GRIA3: variants seen among roughly 807,000 people sequenced by gnomAD.
GRIA3 encodes the protein glutamate ionotropic receptor AMPA type subunit 3.
A neutral mutation model predicts 63.0 loss-of-function variants in GRIA3; 3 were observed. That is an observed-to-expected ratio of 0.05 (90% CI 0.02 to 0.12). The LOEUF is 0.12. Among genes scored for constraint, GRIA3 ranks in the 10% least tolerant of loss-of-function variants. The pLI is 1.00. For missense variants in GRIA3, 347 were observed against 700.9 expected, an observed-to-expected ratio of 0.50 and a Z score of 5.70; for synonymous variants, 274 against 257.9, an observed-to-expected ratio of 1.06 and a Z score of -0.60.
chrX:123,470,343 G>A (rs897852111), intron 13 of GRIA3, among the ~76,000 whole-genome samples: 5 of 111,847 alleles, frequency 4.5e-5, no homozygotes. Flanking sequence ...ATAGGAACTA[G>A]AATAAACTGA....
intron 3 of GRIA3, among the ~76,000 whole-genome samples, chrX:123,303,731 G>C (rs1176021838): frequency 9.0e-6 from 1 of 110,790 alleles, no homozygotes; most frequent in Admixed American, 9.7e-5. Context: ...TCTTCTGTGA[G>C]GAGGATCTCC....
At position 123,354,948 on chromosome X, in the gene GRIA3, C is replaced by T. The variant is rs767846805; in HGVS notation, c.735C>T (p.Tyr245=). 1 of 1,193,231 alleles carries T rather than the reference C, an allele frequency of 8.4e-7. No individual in the cohort carries two copies. Among genetic ancestry groups the T allele is most frequent in the Admixed American group, 2.2e-5 (1 of 46,006 alleles). The change falls in exon 5 of 16, where the codon TAC becomes TAT. Residue 245 remains tyrosine, a synonymous_variant. Transcript: ENST00000620443. The part of the protein sequence containing the change: ...ILGKHSRGYH[Y]MLANLGFTDI... ...GGAAACACTCAAGAGGTTATCACTA[C>T]ATGCTCGCTAACCTGGTAAGAACAA...
chrX:123,313,421 G>T (rs772046660), intron 3 of GRIA3, among the ~76,000 whole-genome samples: 10 of 111,047 alleles, frequency 9.0e-5, no homozygotes, highest in African/African-American at 2.9e-4. Context: ...ACCTTTGACA[G>T]CCCTCCAATG....
intron 3 of GRIA3, among the ~76,000 whole-genome samples, chrX:123,269,682 T>A (rs1398008593): frequency 2.7e-5 from 3 of 111,706 alleles, no homozygotes; most frequent in African/African-American, 9.8e-5. Context: ...GGAAGTCTTG[T>A]TTTTGGAATC....
chrX:123,393,255 T>C (rs1185107280), intron 5 of GRIA3, among the ~76,000 whole-genome samples: 4 of 112,105 alleles, frequency 3.6e-5, no homozygotes, highest in Non-Finnish European at 7.5e-5. Flanking sequence ...GACTGTCTTG[T>C]TATCCATGGT....
intron 2 of GRIA3, among the ~76,000 whole-genome samples, chrX:123,228,543 C>T (rs1260922209): frequency 9.0e-6 from 1 of 111,119 alleles, no homozygotes; most frequent in Non-Finnish European, 1.9e-5. Flanking sequence ...AAGCACTTAG[C>T]AGGTGAGCCA....
chrX:123,286,757 T>C (rs1482680680), intron 3 of GRIA3, among the ~76,000 whole-genome samples: 3 of 111,487 alleles, frequency 2.7e-5, no homozygotes, highest in Non-Finnish European at 3.8e-5. Flanking sequence ...AGTTCCGAAA[T>C]TGGGGCAATA....
At chrX:123,453,380 G>A (rs1442085165) in intron 12 of GRIA3, among the ~76,000 whole-genome samples, 6 of 108,800 alleles carry the variant, frequency 5.5e-5, no homozygotes, top group Admixed American at 3.0e-4. Context: ...ATCACACACC[G>A]GGGCCTGTCG....
At chrX:123,249,730 C>A (rs929157237) in intron 2 of GRIA3, among the ~76,000 whole-genome samples, 82 of 111,712 alleles carry the variant, frequency 7.3e-4, no homozygotes, top group African/African-American at 2.3e-3. Flanking sequence ...CCTTTTGGAC[C>A]ACGGTGGCAT....
intron 13 of GRIA3, among the ~76,000 whole-genome samples, chrX:123,473,327 T>C (rs936763055): frequency 1.5e-4 from 17 of 112,625 alleles, no homozygotes; most frequent in African/African-American, 5.5e-4. Flanking sequence ...CCCTTCATTA[T>C]ACATATCCCA....
rs564409040 is a variant in GRIA3 at position 123,204,018 on chromosome X, T to C, written c.268+18028T>C. Among the ~76,000 whole-genome samples the C allele has an allele frequency of 1.5e-4, 17 of 112,390 alleles. No individual in the cohort carries two copies. In the South Asian group the frequency reaches 2.2e-3, roughly 15 times the overall value. On this transcript the variant is annotated intron_variant, in intron 2 of 15. Coordinates refer to ENST00000620443, the MANE Select transcript of GRIA3 (RefSeq NM_007325.5). ...TTTCCTGTTCTCCACTAAATAGATG[T>C]TGAGTTAAAAATTAAAACCAATAAA...
chrX:123,271,575 T>C (rs1345231944), intron 3 of GRIA3, among the ~76,000 whole-genome samples: 1 of 111,887 alleles, frequency 8.9e-6, no homozygotes, highest in Non-Finnish European at 1.9e-5. Flanking sequence ...TTACTGACAA[T>C]GAAAGGCTCA....
intron 2 of GRIA3, among the ~76,000 whole-genome samples, chrX:123,221,827 A>C (rs2044220849): frequency 8.9e-6 from 1 of 111,775 alleles, no homozygotes; most frequent in Non-Finnish European, 1.9e-5. Flanking sequence ...CAAAGTATAT[A>C]TGACCTTTTT....
rs781087877 is a variant in GRIA3, at chrX:123,403,398, T to A, written c.1186-14T>A. 11 of 1,062,636 alleles carry A rather than the reference T, an allele frequency of 1.0e-5. No individual in the cohort carries two copies. The highest frequency in any genetic ancestry group is 1.4e-5 in the Non-Finnish European group (11 of 758,961). 87.6% of individuals were successfully genotyped at this position (1,062,636 alleles called of 1,213,427 possible). On this transcript the variant is annotated splice_polypyrimidine_tract_variant and intron_variant, in intron 8 of 15. Coordinates refer to ENST00000620443, the MANE Select transcript of GRIA3 (RefSeq NM_007325.5). ...GAAAAATAGGCATCCAGGTCAAATG[T>A]CTTCTCTTTCTAGGCTGGCTACTGG...
At chrX:123,248,527 T>C (rs1466839437) in intron 2 of GRIA3, among the ~76,000 whole-genome samples, 1 of 112,195 alleles carries the variant, frequency 8.9e-6, no homozygotes, top group Non-Finnish European at 1.9e-5. Context: ...GGCTCACTCC[T>C]GTAATCCCAG....
intron 12 of GRIA3, 96 bp downstream of exon 12, chrX:123,428,235 G>T (rs1397281853): frequency 1.7e-6 from 1 of 595,631 alleles, no homozygotes; most frequent in African/African-American, 2.2e-5. Flanking sequence ...AGTTGGGAAA[G>T]AGTGGGAATG....
intron 2 of GRIA3, among the ~76,000 whole-genome samples, chrX:123,222,270 C>A (rs1464698292): frequency 8.9e-6 from 1 of 112,214 alleles, no homozygotes; most frequent in Non-Finnish European, 1.9e-5. Flanking sequence ...TAACACATAG[C>A]AGACACTCAA....
At chrX:123,453,665 C>A (rs1022212314) in intron 12 of GRIA3, among the ~76,000 whole-genome samples, 15 of 111,203 alleles carry the variant, frequency 1.3e-4, no homozygotes, top group East Asian at 5.7e-4. Context: ...CTCCTCCATA[C>A]CCAATTAATG....
At chrX:123,356,377 T>C (rs1266423301) in intron 5 of GRIA3, among the ~76,000 whole-genome samples, 1 of 110,034 alleles carries the variant, frequency 9.1e-6, no homozygotes, top group Non-Finnish European at 1.9e-5. Context: ...CTTATTTGTA[T>C]GTCCTAGAAA....
Sources: allele counts gnomAD v4.1 joint callset (sites outside exome capture counted in the v4.1 genomes callset), GRCh38; gene constraint gnomAD v4.1.1; transcripts MANE v1.5; gene names NCBI Gene and HGNC (gene_info 2026-07-23, HGNC 2026-07-21).